Variants in CEP192 observed in about 807,000 individuals in gnomAD.
CEP192 encodes centrosomal protein of 192 kDa.
A neutral mutation model predicts 271.8 loss-of-function variants in CEP192; 151 were observed. The ratio of observed to expected loss-of-function variants is 0.56; its 90% CI spans 0.49 to 0.64. CEP192 has a LOEUF of 0.64. Ranked by LOEUF, CEP192 falls within the 30% of genes least tolerant of loss-of-function variation. The pLI is 0.00. For missense variants in CEP192, 2,910 were observed against 3,020.5 expected (o/e 0.96, Z 0.86); for synonymous variants, 995 against 1,076.5 (o/e 0.92, Z 1.48).
At chr18:13,065,438 C>A (rs1003587742) in intron 21 of CEP192, among the ~76,000 whole-genome samples, 1 of 151,968 alleles carries the variant, frequency 6.6e-6, no homozygotes, top group Non-Finnish European at 1.5e-5. Context: ...TCATTTTTTC[C>A]ATGAGTGCTT....
chr18:13,102,675 G>A (rs550784440), intron 38 of CEP192, among the ~76,000 whole-genome samples: 3 of 152,240 alleles, frequency 2.0e-5, no homozygotes, highest in South Asian at 4.1e-4. Flanking sequence ...GCTGCTATGC[G>A]CCAGGGCTCA....
intron 44 of CEP192, among the ~76,000 whole-genome samples, chr18:13,119,509 G>A (rs1301052746): frequency 6.6e-5 from 10 of 152,140 alleles, no homozygotes; most frequent in Non-Finnish European, 1.2e-4. Context: ...TTGGGAGGCC[G>A]AGGTGGGCGG....
At chr18:13,069,656 A>G in intron 26 of CEP192, 82 bp from the exon 27 acceptor site, 1 of 761,724 alleles carries the variant, frequency 1.3e-6, no homozygotes, top group East Asian at 2.5e-5. Context: ...TAAATGAGAA[A>G]CGCACGTAAG....
intron 4 of CEP192, among the ~76,000 whole-genome samples, chr18:13,012,250 C>T (rs1158395400): frequency 6.6e-6 from 1 of 152,072 alleles, no homozygotes; most frequent in Non-Finnish European, 1.5e-5. Context: ...TACTAAAAGC[C>T]ACTGAACTGT....
intron 21 of CEP192, among the ~76,000 whole-genome samples, chr18:13,066,082 C>T (rs577024937): frequency 2.6e-5 from 4 of 152,254 alleles, no homozygotes; most frequent in African/African-American, 9.6e-5. Context: ...TATGTAACTT[C>T]AATAATGAGA....
At chr18:13,070,306 G>A (rs1406030487) in intron 27 of CEP192, among the ~76,000 whole-genome samples, 1 of 152,026 alleles carries the variant, frequency 6.6e-6, no homozygotes, top group Non-Finnish European at 1.5e-5. Context: ...TTTCATTTAG[G>A]TTCAGATTGT....
At position 13,105,038 on chromosome 18, in the gene CEP192, TCTC is replaced by T. The variant is rs1488795187; in HGVS notation, c.7009_7011del (p.Pro2337del). 2 of 1,614,040 alleles carry T rather than the reference TCTC, an allele frequency of 1.2e-6. No individual in the cohort carries two copies. The highest frequency in any genetic ancestry group is 1.7e-6 in the Non-Finnish European group (2 of 1,179,968). The stretch of plus-strand genomic sequence containing the variant: ...AGCTACCTATGCAGCATTCAGATGT[TCTC>T]CTATTTCTGGTCTGCTGGAAAGCCA... On this transcript the variant is annotated inframe_deletion, in exon 40 of 45. Transcript: ENST00000506447.
chr18:13,020,150 T>G (rs2034904556), intron 9 of CEP192, among the ~76,000 whole-genome samples: 1 of 152,148 alleles, frequency 6.6e-6, no homozygotes, highest in Non-Finnish European at 1.5e-5. Flanking sequence ...TCAATAATGT[T>G]AAGTACATTT....
At chr18:12,998,094 C>T (rs1210661493) in intron 1 of CEP192, among the ~76,000 whole-genome samples, 3 of 152,168 alleles carry the variant, frequency 2.0e-5, no homozygotes, top group Admixed American at 6.5e-5. Context: ...TCCATACTGT[C>T]TAAAATCTAT....
intron 7 of CEP192, among the ~76,000 whole-genome samples, chr18:13,018,072 A>G (rs7234960): frequency 0.72 from 109,041 of 152,066 alleles, 40,622 homozygotes; most frequent in African/African-American, 0.93. Flanking sequence ...TTTCTCATGA[A>G]TGGATTCATA....
At position 13,087,599 on chromosome 18, in the gene CEP192, T is replaced by C; in HGVS notation, c.5946T>C (p.Thr1982=). ...ATAAAACTGCAACAGAACTATCAAC[T>C]GTATACTTATTTGGTGGAGATGAAA... ...INNKTATELS[T]VYLFGGDEIS... The change falls in exon 32 of 45, where the codon ACT becomes ACC. Residue 1982 remains threonine (T), a synonymous_variant. Coordinates refer to ENST00000506447, the MANE Select transcript of CEP192 (RefSeq NM_032142.4). The C allele has an allele frequency of 6.3e-7, 1 of 1,582,692 alleles. No homozygotes were observed. The highest frequency in any genetic ancestry group is 8.6e-7 in the Non-Finnish European group (1 of 1,163,696).
intron 11 of CEP192, 144 bp from the exon 12 acceptor site, chr18:13,037,093 C>G: frequency 1.8e-6 from 1 of 543,210 alleles, no homozygotes; most frequent in Non-Finnish European, 3.3e-6. Flanking sequence ...GCATTTAATA[C>G]AGATGCATGA....
intron 4 of CEP192, among the ~76,000 whole-genome samples, chr18:13,008,844 C>T (rs1476369246): frequency 1.3e-5 from 2 of 151,626 alleles, no homozygotes; most frequent in African/African-American, 2.4e-5. Flanking sequence ...GTAGCTGGGT[C>T]TACAGGCACA....
intron 40 of CEP192, among the ~76,000 whole-genome samples, chr18:13,108,506 A>T (rs1413286316): frequency 6.6e-6 from 1 of 152,218 alleles, no homozygotes; most frequent in African/African-American, 2.4e-5. Context: ...ACATGAACAG[A>T]CACTTCTCAG....
intron 14 of CEP192, among the ~76,000 whole-genome samples, 199 bp from the exon 15 acceptor site, chr18:13,042,005 G>A (rs1281600207): frequency 2.0e-5 from 3 of 152,214 alleles, no homozygotes; most frequent in Admixed American, 6.5e-5. Flanking sequence ...GGACTCTGCA[G>A]CATTGAGCCA....
chr18:13,097,074 C>G (rs2039435614), intron 36 of CEP192, among the ~76,000 whole-genome samples: 1 of 152,226 alleles, frequency 6.6e-6, no homozygotes, highest in African/African-American at 2.4e-5. Context: ...TTGACTGAGA[C>G]TTTTAGCTGA....
intron 34 of CEP192, among the ~76,000 whole-genome samples, 161 bp downstream of exon 34, chr18:13,092,688 A>T (rs2039204120): frequency 6.6e-6 from 1 of 152,134 alleles, no homozygotes; most frequent in Non-Finnish European, 1.5e-5. Context: ...TCAAACTTTC[A>T]GGAAAGTTTA....
At position 13,029,532 on chromosome 18, in the gene CEP192, G is replaced by C. The variant is rs565530939; in HGVS notation, c.1051-131G>C. On this transcript the variant is annotated intron_variant, in intron 9 of 44. Transcript: ENST00000506447. ...TATAGTCTAGAATACAGCGAATACT[G>C]TGTGTTCTCTTCTTTCATATAATAA... 13 of 627,686 alleles carry C rather than the reference G, an allele frequency of 2.1e-5. No individual in the cohort carries two copies. The South Asian group carries it at 2.8e-4, about 14-fold the overall frequency. The allele number at this position is 627,686 out of a possible 1,614,324, so 38.9% of individuals were successfully genotyped here. A position where few individuals can be genotyped will look rare whatever the true frequency, so the allele number is the denominator to read the frequency against.
chr18:13,030,758 GT>G, intron 11 of CEP192, 150 bp downstream of exon 11: 1 of 604,048 alleles, frequency 1.7e-6, no homozygotes. Flanking sequence ...AGGACCCAAG[GT>G]TTTAGTTAGC....
Sources: gnomAD v4.1 joint callset for allele counts (sites outside exome capture counted in the v4.1 genomes callset) on GRCh38, gnomAD v4.1.1 for gene constraint, MANE v1.5 for transcripts, NCBI Gene and HGNC (gene_info 2026-07-23, HGNC 2026-07-21) for gene names.